The following KLF8 variants were observed in gnomAD, a reference collection of about 807,000 sequenced individuals.
KLF8 encodes Krueppel-like factor 8.
Under a neutral mutation model 18.2 loss-of-function variants are expected in KLF8, and 10 were observed. The ratio of observed to expected loss-of-function variants is 0.55; its 90% CI spans 0.34 to 0.93. The LOEUF is 0.93. Among genes scored for constraint, KLF8 ranks in the 40% least tolerant of loss-of-function variants. The probability of loss-of-function intolerance (pLI) is 0.02; values close to 1 mark genes in which losing one functional copy is unlikely to be tolerated. For missense variants in KLF8, 264 were observed against 277.9 expected (o/e 0.95, Z 0.36); for synonymous variants, 109 against 97.3 (o/e 1.12, Z -0.71).
At chrX:56,157,322 C>T in the KLF8 span, among the ~76,000 whole-genome samples, 5 of 109,570 alleles carry the variant, frequency 4.6e-5, no homozygotes, top group African/African-American at 1.7e-4. Context: ...CAACATGGCA[C>T]ATGTATACAT....
chrX:55,998,809 A>T, the KLF8 span, among the ~76,000 whole-genome samples: 277 of 89,731 alleles, frequency 3.1e-3, no homozygotes, highest in African/African-American at 6.9e-3. Context: ...TGGTCTTTTA[A>T]TTTTTTTTTT....
chrX:56,279,859 A>G (rs1169802995), intron 5 of KLF8, among the ~76,000 whole-genome samples: 1 of 112,038 alleles, frequency 8.9e-6, no homozygotes, highest in Non-Finnish European at 1.9e-5. Context: ...AGGATTAGAC[A>G]TTTGTACCTA....
chrX:56,207,431 A>C, the KLF8 span, among the ~76,000 whole-genome samples: 2 of 112,396 alleles, frequency 1.8e-5, no homozygotes, highest in African/African-American at 6.5e-5. Flanking sequence ...TGCTTTTAAC[A>C]GTACTGAAGT....
the KLF8 span, among the ~76,000 whole-genome samples, chrX:56,181,354 T>C: frequency 1.8e-5 from 2 of 111,669 alleles, no homozygotes; most frequent in Non-Finnish European, 3.8e-5. Flanking sequence ...AGCCTATGTG[T>C]GTCTCTGCAC....
the KLF8 span, among the ~76,000 whole-genome samples, chrX:56,045,991 G>A: frequency 8.9e-6 from 1 of 111,765 alleles, no homozygotes; most frequent in Non-Finnish European, 1.9e-5. Flanking sequence ...TTTGTCAAAA[G>A]TGGCTTTTAT....
the KLF8 span, among the ~76,000 whole-genome samples, chrX:56,038,616 A>G: frequency 8.9e-6 from 1 of 112,547 alleles, no homozygotes; most frequent in Non-Finnish European, 1.9e-5. Context: ...CCAGTCTATC[A>G]TTAATGGGCA....
At chrX:55,988,394 A>G in the KLF8 span, among the ~76,000 whole-genome samples, 3,337 of 106,591 alleles carry the variant, frequency 0.031, 141 homozygotes, top group African/African-American at 0.11. Context: ...TGTAAGGAAG[A>G]GATCCAGTTT....
At chrX:56,152,492 C>G in the KLF8 span, among the ~76,000 whole-genome samples, 2 of 111,207 alleles carry the variant, frequency 1.8e-5, no homozygotes, top group African/African-American at 6.5e-5. Context: ...TCCCAGAGTT[C>G]TTTACTGCGC....
chrX:56,147,835 C>A, the KLF8 span, among the ~76,000 whole-genome samples: 2 of 111,642 alleles, frequency 1.8e-5, no homozygotes, highest in African/African-American at 3.3e-5. Context: ...AAAAATTGAC[C>A]GGCAAGGTGG....
the KLF8 span, among the ~76,000 whole-genome samples, chrX:56,041,214 C>A: frequency 9.1e-6 from 1 of 109,294 alleles, no homozygotes; most frequent in African/African-American, 3.3e-5. Flanking sequence ...CACCTCCACT[C>A]CCGGGTTCAA....
upstream of KLF8, among the ~76,000 whole-genome samples, chrX:56,230,439 G>A (rs1245680303): frequency 8.9e-6 from 1 of 111,981 alleles, no homozygotes; most frequent in African/African-American, 3.2e-5. Flanking sequence ...ATAGAGAGTT[G>A]TACACTTCTC....
At chrX:56,255,832 T>A (rs995990448) in intron 2 of KLF8, among the ~76,000 whole-genome samples, 1 of 111,954 alleles carries the variant, frequency 8.9e-6, no homozygotes, top group African/African-American at 3.3e-5. Flanking sequence ...ATCAGAGATA[T>A]TGGCCTGTAA....
chrX:55,965,114 C>A, the KLF8 span, among the ~76,000 whole-genome samples: 2 of 111,340 alleles, frequency 1.8e-5, no homozygotes, highest in Non-Finnish European at 3.8e-5. Flanking sequence ...GAACTCCAGG[C>A]CAATATCCCT....
chrX:55,987,848 C>T, the KLF8 span, among the ~76,000 whole-genome samples: 2 of 111,805 alleles, frequency 1.8e-5, no homozygotes, highest in African/African-American at 6.5e-5. Flanking sequence ...TTCTCCGCAT[C>T]CTCTCCAGCA....
At chrX:56,150,652 G>T in the KLF8 span, among the ~76,000 whole-genome samples, 28 of 110,496 alleles carry the variant, frequency 2.5e-4, no homozygotes, top group African/African-American at 8.2e-4. Context: ...GTCTCTCTTT[G>T]GTTTCCATTA....
chrX:56,152,075 G>T, the KLF8 span, among the ~76,000 whole-genome samples: 1 of 111,790 alleles, frequency 8.9e-6, no homozygotes, highest in East Asian at 2.8e-4. Context: ...AATTTACAGG[G>T]ATTTGCTTTG....
chrX:56,163,366 T>C, the KLF8 span, among the ~76,000 whole-genome samples: 1 of 112,467 alleles, frequency 8.9e-6, no homozygotes, highest in South Asian at 3.6e-4. Flanking sequence ...GTTTTTTTGA[T>C]ATGATTTTTG....
the KLF8 span, among the ~76,000 whole-genome samples, chrX:56,121,340 G>A: frequency 9.0e-6 from 1 of 111,582 alleles, no homozygotes; most frequent in Non-Finnish European, 1.9e-5. Flanking sequence ...GAAGAGGTTG[G>A]AGAAAGAATA....
the KLF8 span, among the ~76,000 whole-genome samples, chrX:56,144,896 G>A: frequency 9.3e-6 from 1 of 107,997 alleles, no homozygotes; most frequent in African/African-American, 3.4e-5. Context: ...GGGATCAAGC[G>A]ATTCTCCTGC....
Sources: allele counts gnomAD v4.1 joint callset (sites outside exome capture counted in the v4.1 genomes callset), GRCh38; gene constraint gnomAD v4.1.1; transcripts MANE v1.5; gene names NCBI Gene and HGNC (gene_info 2026-07-23, HGNC 2026-07-21).